Variants in UNC79 observed in about 807,000 individuals in gnomAD.
The protein encoded by UNC79 is protein unc-79 homolog.
Under a neutral mutation model 283.1 loss-of-function variants are expected in UNC79, and 37 were observed. The ratio of observed to expected loss-of-function variants is 0.13; its 90% CI spans 0.10 to 0.17. UNC79 has a LOEUF of 0.17. UNC79 is among the 10% of genes least tolerant of loss of function. The probability of loss-of-function intolerance (pLI) is 1.00; values close to 1 mark genes in which losing one functional copy is unlikely to be tolerated. For missense variants in UNC79, 2,272 were observed against 3,211.1 expected, an observed-to-expected ratio of 0.71 and a Z score of 7.07; for synonymous variants, 1,107 against 1,200.2, an observed-to-expected ratio of 0.92 and a Z score of 1.61.
At chr14:93,440,543 A>ATTTTTTTTTTTTTTTTT (rs2056261620) in intron 1 of UNC79, among the ~76,000 whole-genome samples, 2 of 135,806 alleles carry the variant, frequency 1.5e-5, no homozygotes, top group African/African-American at 5.4e-5. Flanking sequence ...TTTTTTTTTT[A>ATTTTTTTTTTTTTTTTT]AATTTTTATT....
At chr14:93,673,420 C>G (rs2073061121) in exon 41 of UNC79, 1 of 1,613,368 alleles carries the variant, frequency 6.2e-7, no homozygotes, top group Non-Finnish European at 8.5e-7. Context: ...GCTCAAATCT[C>G]CTTTACCAGA....
At chr14:93,464,724 A>G (rs2057094780) in intron 1 of UNC79, 1 of 402,024 alleles carries the variant, frequency 2.5e-6, no homozygotes, top group Non-Finnish European at 4.9e-6. Flanking sequence ...GTTGAAGATC[A>G]TTCATTTATA....
chr14:93,576,666 A>G (rs2063493556), intron 17 of UNC79, among the ~76,000 whole-genome samples: 1 of 152,188 alleles, frequency 6.6e-6, no homozygotes, highest in Non-Finnish European at 1.5e-5. Context: ...CCAGGGCTGA[A>G]GGAACAAGGG....
chr14:93,577,426 C>T (rs974606265), intron 17 of UNC79, among the ~76,000 whole-genome samples: 4 of 152,106 alleles, frequency 2.6e-5, no homozygotes, highest in African/African-American at 9.7e-5. Context: ...ATTGTAATCC[C>T]CAGAGACCAT....
chr14:93,655,522 C>T (rs2070821098), intron 38 of UNC79, 115 bp downstream of exon 41: 4 of 1,259,748 alleles, frequency 3.2e-6, no homozygotes, highest in Non-Finnish European at 4.4e-6. Flanking sequence ...AATGAGGAAA[C>T]TCCGTCAGCC....
At chr14:93,655,107 C>T (rs2070777598) in intron 37 of UNC79, 127 bp from the exon 41 acceptor site, 11 of 967,860 alleles carry the variant, frequency 1.1e-5, no homozygotes, top group Non-Finnish European at 1.7e-5. Context: ...CAGGGATTGG[C>T]CTATGTAGTA....
chr14:93,418,424 C>T (rs555789600), intron 1 of UNC79, among the ~76,000 whole-genome samples: 1,669 of 151,834 alleles, frequency 0.011, 35 homozygotes, highest in African/African-American at 0.038. Flanking sequence ...TGTCAGTCTG[C>T]CCCTACTGGG....
chr14:93,641,210 G>C, exon 33 of UNC79: 1 of 1,613,698 alleles, frequency 6.2e-7, no homozygotes, highest in African/African-American at 1.3e-5. Flanking sequence ...TGCACCTGAA[G>C]AGTTCACTGA....
At chr14:93,348,077 C>A in intron 1 of UNC79, 1 of 1,612,806 alleles carries the variant, frequency 6.2e-7, no homozygotes. Flanking sequence ...TTAACACCAG[C>A]TGCATATGTG....
chr14:93,652,567 AG>A (rs746094215), intron 35 of UNC79, among the ~76,000 whole-genome samples: 7 of 152,092 alleles, frequency 4.6e-5, no homozygotes, highest in Non-Finnish European at 7.4e-5. Flanking sequence ...GCCCAGTCTG[AG>A]TTTTTGTCAT....
intron 46 of UNC79, among the ~76,000 whole-genome samples, chr14:93,693,134 A>T (rs189704962): frequency 6.6e-6 from 1 of 152,368 alleles, no homozygotes; most frequent in East Asian, 1.9e-4. Context: ...GATGCAAATG[A>T]TACAGGCAAT....
chr14:93,634,717 T>C lies in UNC79; in HGVS notation c.5717-2499T>C, dbSNP rs1005478069. 7 of 1,277,790 alleles carry C rather than the reference T, an allele frequency of 5.5e-6. 1 individual carries two copies. In the African/African-American group the frequency reaches 8.9e-5, roughly 16 times the overall value. 79.2% of individuals were successfully genotyped at this position (1,277,790 alleles called of 1,614,324 possible). On this transcript the variant is annotated intron_variant, in intron 31 of 48. Coordinates refer to ENST00000555664, the Ensembl canonical transcript of UNC79. ...CTCTGTGTCCACTCTGCTCCCTTGT[T>C]AAAGAATAGATTTTCTCTCATGTTC...
chr14:93,657,942 T>A (rs2071133612), intron 38 of UNC79, among the ~76,000 whole-genome samples: 1 of 152,026 alleles, frequency 6.6e-6, no homozygotes, highest in South Asian at 2.1e-4. Context: ...TCTGTCTTCC[T>A]TTTTTTTCCC....
chr14:93,435,671 TC>T (rs1010098725), intron 1 of UNC79, among the ~76,000 whole-genome samples: 1 of 152,226 alleles, frequency 6.6e-6, no homozygotes, highest in African/African-American at 2.4e-5. Context: ...AAATGACACT[TC>T]CTTGCTCATT....
intron 1 of UNC79, among the ~76,000 whole-genome samples, chr14:93,434,263 T>C (rs4900184): frequency 0.56 from 84,970 of 151,974 alleles, 24,115 homozygotes; most frequent in Admixed American, 0.65. Context: ...AGCAGCTAGT[T>C]TTTGGAGCCT....
At chr14:93,539,347 C>A (rs1299236389) in intron 12 of UNC79, among the ~76,000 whole-genome samples, 1 of 150,458 alleles carries the variant, frequency 6.6e-6, no homozygotes, top group Non-Finnish European at 1.5e-5. Flanking sequence ...ATGGTGAAAC[C>A]CCGTCTCTAT....
At chr14:93,674,947 G>A (rs566477670) in intron 41 of UNC79, among the ~76,000 whole-genome samples, 9 of 152,148 alleles carry the variant, frequency 5.9e-5, no homozygotes, top group Non-Finnish European at 8.8e-5. Context: ...CATCCCTTAC[G>A]TGGATTACTG....
chr14:93,659,569 T>C (rs1175473049), intron 39 of UNC79, among the ~76,000 whole-genome samples: 1 of 152,240 alleles, frequency 6.6e-6, no homozygotes, highest in Non-Finnish European at 1.5e-5. Flanking sequence ...TTAAAATCTC[T>C]GATAACTTCT....
At chr14:93,574,947 A>G in intron 16 of UNC79, 111 bp from the exon 17 acceptor site, 1 of 1,176,692 alleles carries the variant, frequency 8.5e-7, no homozygotes, top group Non-Finnish European at 1.2e-6. Context: ...GTGTAAGGCT[A>G]ATTATCCTTA....
Sources: allele counts gnomAD v4.1 joint callset (sites outside exome capture counted in the v4.1 genomes callset), GRCh38; gene constraint gnomAD v4.1.1; transcripts MANE v1.5; gene names NCBI Gene and HGNC (gene_info 2026-07-23, HGNC 2026-07-21).